The following PDCD6IP variants were observed in gnomAD, a reference collection of about 807,000 sequenced individuals.
The protein encoded by PDCD6IP is programmed cell death 6-interacting protein.
PDCD6IP carries 43 observed loss-of-function variants against 103.7 expected under a neutral mutation model. The observed-to-expected ratio is 0.41, with a 90% CI of 0.32 to 0.53. The LOEUF is 0.53. Among genes scored for constraint, PDCD6IP ranks in the 20% least tolerant of loss-of-function variants. The pLI, the probability that PDCD6IP is intolerant of heterozygous loss-of-function variation, is 0.16. For missense variants in PDCD6IP, 871 were observed against 1,036.7 expected (o/e 0.84, Z 2.20); for synonymous variants, 354 against 378.7 (o/e 0.93, Z 0.76).
chr3:33,811,461 C>T (rs764622226), intron 1 of PDCD6IP, among the ~76,000 whole-genome samples: 3 of 152,204 alleles, frequency 2.0e-5, no homozygotes, highest in Admixed American at 6.5e-5. Flanking sequence ...ACCCTTTTCT[C>T]CTCCTTTCCC....
chr3:33,815,787 A>G (rs1410421462), intron 3 of PDCD6IP, among the ~76,000 whole-genome samples: 1 of 152,190 alleles, frequency 6.6e-6, no homozygotes, highest in Non-Finnish European at 1.5e-5. Context: ...TTTCTGTGTT[A>G]TGTCTGGGTA....
At chr3:33,858,983 C>T (rs1298445030) in intron 15 of PDCD6IP, among the ~76,000 whole-genome samples, 1 of 151,758 alleles carries the variant, frequency 6.6e-6, no homozygotes, top group African/African-American at 2.4e-5. Flanking sequence ...CAAGGTCAGC[C>T]AGGAAAACAA....
intron 6 of PDCD6IP, chr3:33,827,531 A>G (rs953879897): frequency 3.9e-5 from 6 of 152,234 alleles, no homozygotes; most frequent in African/African-American, 1.4e-4. Context: ...CCAAGAGCCT[A>G]GTAGAAATTT....
chr3:33,867,484 C>T lies in PDCD6IP; in HGVS notation c.*959C>T, dbSNP rs1239906101. 6.6e-6 allele frequency: 1 copy of T among 152,152 alleles called. No individual in the cohort carries two copies. Among genetic ancestry groups the T allele is most frequent in the Non-Finnish European group, 1.5e-5 (1 of 68,018 alleles). The allele number at this position is 152,152 out of a possible 1,614,324, so 9.4% of individuals were successfully genotyped here. A position where few individuals can be genotyped will look rare whatever the true frequency, so the allele number is the denominator to read the frequency against. On this transcript the variant is annotated 3_prime_UTR_variant, in exon 18 of 18. Transcript: ENST00000307296. ...TCCTTTTTCCACCTTACTGTGTTAA[C>T]TTAGTGACATTTAATGCCCAATATG...
chr3:33,832,011 T>C (rs1010132944), intron 7 of PDCD6IP, among the ~76,000 whole-genome samples: 10 of 152,208 alleles, frequency 6.6e-5, no homozygotes, highest in African/African-American at 2.2e-4. Context: ...TTCACTGTTA[T>C]AAACAATGCT....
In PDCD6IP at chr3:33,799,090, G is replaced by T. The variant is rs1022853776; in HGVS notation, c.209+153G>T. 55 of 744,250 alleles carry T rather than the reference G, an allele frequency of 7.4e-5. No individual in the cohort carries two copies. The Admixed American group carries it at 1.4e-3, about 19-fold the overall frequency. 46.1% of individuals were successfully genotyped at this position (744,250 alleles called of 1,614,324 possible). A position where few individuals can be genotyped will look rare whatever the true frequency, so the allele number is the denominator to read the frequency against. On this transcript the variant is annotated intron_variant, in intron 1 of 17. Coordinates refer to ENST00000307296, the MANE Select transcript of PDCD6IP (RefSeq NM_013374.6). The stretch of plus-strand genomic sequence containing the variant: ...GTAGGTGTGGTCTGCATTCTTTGCT[G>T]GTGAGCAGGACCCGCCCTGCAGGCC...
At chr3:33,846,370 T>C (rs1175456327) in intron 12 of PDCD6IP, among the ~76,000 whole-genome samples, 1 of 152,240 alleles carries the variant, frequency 6.6e-6, no homozygotes, top group African/African-American at 2.4e-5. Flanking sequence ...ATCTGCTCTG[T>C]GTAAGGCACT....
intron 1 of PDCD6IP, among the ~76,000 whole-genome samples, chr3:33,799,700 A>G (rs1229821066): frequency 1.3e-5 from 2 of 152,188 alleles, no homozygotes; most frequent in South Asian, 2.1e-4. Context: ...ATAGTTAAAC[A>G]TTTCTTTTGC....
intron 1 of PDCD6IP, among the ~76,000 whole-genome samples, chr3:33,799,851 T>A (rs1402022410): frequency 6.6e-6 from 1 of 152,076 alleles, no homozygotes; most frequent in African/African-American, 2.4e-5. Context: ...CCGGGCGCGG[T>A]GGCTCACGCC....
At chr3:33,843,831 T>C (rs973627027) in intron 10 of PDCD6IP, among the ~76,000 whole-genome samples, 3 of 152,000 alleles carry the variant, frequency 2.0e-5, no homozygotes, top group African/African-American at 4.8e-5. Flanking sequence ...CTTAAAACTT[T>C]CTTTAAATTG....
At chr3:33,800,119 CAAAA>C (rs1173163869) in intron 1 of PDCD6IP, among the ~76,000 whole-genome samples, 676 of 50,766 alleles carry the variant, frequency 0.013, 12 homozygotes, top group Admixed American at 0.065. Flanking sequence ...GACTCCATCT[CAAAA>C]AAAAAAAAAA....
intron 1 of PDCD6IP, 178 bp downstream of exon 1, chr3:33,799,115 C>T (rs1696407991): frequency 1.3e-5 from 8 of 637,462 alleles, no homozygotes; most frequent in East Asian, 2.8e-5. Flanking sequence ...CCCTGCAGGC[C>T]CGCTGTGACT....
At chr3:33,830,264 C>T (rs1697218291) in intron 7 of PDCD6IP, among the ~76,000 whole-genome samples, 1 of 152,076 alleles carries the variant, frequency 6.6e-6, no homozygotes, top group South Asian at 2.1e-4. Flanking sequence ...ATTACAGTAA[C>T]TTAGATTTAT....
intron 9 of PDCD6IP, 54 bp from the exon 10 acceptor site, chr3:33,841,843 T>A (rs1481195651): frequency 1.8e-6 from 2 of 1,132,922 alleles, no homozygotes; most frequent in Non-Finnish European, 2.6e-6. Context: ...TAAGTATTGA[T>A]GAGGAGTTAA....
At chr3:33,827,215 CA>C in intron 6 of PDCD6IP, 2 of 974,522 alleles carry the variant, frequency 2.1e-6, no homozygotes, top group Non-Finnish European at 2.4e-6. Flanking sequence ...AATGACAAAG[CA>C]AATCACTAGT....
rs918418518 is a variant in PDCD6IP at position 33,846,957 on chromosome 3, G to A, written c.1641+1369G>A. On this transcript the variant is annotated intron_variant, in intron 12 of 17. Coordinates refer to ENST00000307296, the MANE Select transcript of PDCD6IP (RefSeq NM_013374.6). ...AAAGGGAAGAGAAGGCTACATAGTT[G>A]AATGTGCATTGAACCTGGATCTAAC... 5.9e-5 allele frequency among the ~76,000 whole-genome samples: 9 copies of A among 152,292 alleles called. No individual in the cohort carries two copies. In the South Asian group the frequency reaches 1.7e-3, roughly 28 times the overall value.
chr3:33,848,565 C>G (rs1376466582), intron 12 of PDCD6IP, among the ~76,000 whole-genome samples: 1 of 152,036 alleles, frequency 6.6e-6, no homozygotes, highest in Non-Finnish European at 1.5e-5. Flanking sequence ...CTACTGTGCC[C>G]AGCTAATTTT....
At position 33,867,275 on chromosome 3, in the gene PDCD6IP, C is replaced by A. The variant is rs1377833887; in HGVS notation, c.*750C>A. On this transcript the variant is annotated 3_prime_UTR_variant, in exon 18 of 18. Transcript: ENST00000307296. ...CAAACAGTTGCTACCAAAGATTCTT[C>A]AAATAAACATACAAATAAATGTGTA... 1 of 152,132 alleles carries A rather than the reference C, an allele frequency of 6.6e-6. No homozygotes were observed. Among genetic ancestry groups the A allele is most frequent in the Non-Finnish European group, 1.5e-5 (1 of 67,998 alleles). 9.4% of individuals were successfully genotyped at this position (152,132 alleles called of 1,614,324 possible).
At chr3:33,810,648 G>A (rs1696695968) in intron 1 of PDCD6IP, among the ~76,000 whole-genome samples, 1 of 152,082 alleles carries the variant, frequency 6.6e-6, no homozygotes, top group Non-Finnish European at 1.5e-5. Context: ...TTTAAAAAAT[G>A]AGTTAAAAAC....
Sources: gnomAD v4.1 joint callset for allele counts (sites outside exome capture counted in the v4.1 genomes callset) on GRCh38, gnomAD v4.1.1 for gene constraint, MANE v1.5 for transcripts, NCBI Gene and HGNC (gene_info 2026-07-23, HGNC 2026-07-21) for gene names.